Variants in LIPI observed in about 807,000 individuals in gnomAD.
LIPI encodes the protein lipase I, also known as lipase member I.
Under a neutral mutation model 50.6 loss-of-function variants are expected in LIPI, and 59 were observed. The observed-to-expected ratio is 1.16, with a 90% CI of 0.94 to 1.45. The LOEUF (loss-of-function observed/expected upper bound fraction) is 1.45. LIPI is among the 40% of genes most tolerant of loss of function. The pLI is 0.00. For synonymous variants in LIPI, 203 were observed against 178.2 expected (o/e 1.14, Z -1.11); for missense variants, 586 against 536.3 (o/e 1.09, Z -0.92).
chr21:14,178,332 T>C (rs936360182), intron 4 of LIPI, among the ~76,000 whole-genome samples: 1 of 152,164 alleles, frequency 6.6e-6, no homozygotes, highest in Non-Finnish European at 1.5e-5. Context: ...CAATGTAATT[T>C]ACCATGTCAT....
chr21:14,123,183 A>G (rs543348864), intron 9 of LIPI, among the ~76,000 whole-genome samples: 1 of 152,384 alleles, frequency 6.6e-6, no homozygotes, highest in Non-Finnish European at 1.5e-5. Context: ...AAGATACTGC[A>G]TAGCATGATA....
chr21:14,161,534 ATC>A (rs2018465344), intron 7 of LIPI, among the ~76,000 whole-genome samples: 1 of 126,590 alleles, frequency 7.9e-6, no homozygotes, highest in South Asian at 2.2e-4. Flanking sequence ...TAGATATAAT[ATC>A]CATATCTATT....
At chr21:14,168,086 G>T (rs191220711) in intron 4 of LIPI, among the ~76,000 whole-genome samples, 1 of 152,310 alleles carries the variant, frequency 6.6e-6, no homozygotes, top group Admixed American at 6.5e-5. Flanking sequence ...CTCAGGGGCC[G>T]ATGCGATCAA....
chr21:14,210,891 G>T lies in LIPI; in HGVS notation c.-46C>A. The T allele has an allele frequency of 8.4e-7, 1 of 1,187,014 alleles. No individual in the cohort carries two copies. Among genetic ancestry groups the T allele is most frequent in the Non-Finnish European group, 1.1e-6 (1 of 944,090 alleles). The allele number at this position is 1,187,014 out of a possible 1,614,324, so 73.5% of individuals were successfully genotyped here. A position where few individuals can be genotyped will look rare whatever the true frequency, so the allele number is the denominator to read the frequency against. ...AAACAGCACTCAATTCACCAAAAAG[G>T]AAATTCCGTAACTCATTGAGGTTTC... On this transcript the variant is annotated 5_prime_UTR_variant, in exon 1 of 10. Transcript: ENST00000681601.
chr21:14,151,131 A>G (rs1293343690), intron 8 of LIPI, among the ~76,000 whole-genome samples: 1 of 152,152 alleles, frequency 6.6e-6, no homozygotes, highest in African/African-American at 2.4e-5. Context: ...TATTTTCGTT[A>G]TGGTGAACTT....
chr21:14,205,089 T>A (rs1469499052), intron 1 of LIPI, among the ~76,000 whole-genome samples: 1 of 151,804 alleles, frequency 6.6e-6, no homozygotes, highest in African/African-American at 2.4e-5. Flanking sequence ...TATAAACAGA[T>A]ATTTTCTAAA....
chr21:14,171,092 T>C (rs1325685131), intron 4 of LIPI, among the ~76,000 whole-genome samples: 6 of 148,742 alleles, frequency 4.0e-5, no homozygotes, highest in Non-Finnish European at 9.0e-5. Context: ...GAGAGCCAAA[T>C]CATGAGTGAA....
In LIPI at chr21:14,209,196, CT is replaced by C. The variant is rs530396828; in HGVS notation, c.46+1603del. 3.4e-3 allele frequency among the ~76,000 whole-genome samples: 515 copies of C among 152,232 alleles called. 3 individuals are homozygous for C. Among genetic ancestry groups the C allele is most frequent in the Non-Finnish European group, 6.2e-3 (422 of 68,014 alleles). On this transcript the variant is annotated intron_variant, in intron 1 of 9. Transcript: ENST00000681601. ...TTGAATATACAGATACATAGATGTACTGTATATCTGTATAAAGTTTTTTGAT... is the reference window on the plus strand; with the variant it reads ...TTGAATATACAGATACATAGATGTACGTATATCTGTATAAAGTTTTTTGAT...
chr21:14,116,486 A>G (rs1406494587), intron 9 of LIPI, among the ~76,000 whole-genome samples: 1 of 152,194 alleles, frequency 6.6e-6, no homozygotes. Context: ...GAGAAAAAGC[A>G]TTGAAGCCGA....
Position 14,175,820 on chromosome 21 carries a change from G to A in LIPI, c.643+5938C>T, listed in dbSNP as rs527499913. Among the ~76,000 whole-genome samples, 11 of 152,076 alleles carry A rather than the reference G, an allele frequency of 7.2e-5. No homozygotes were observed. The South Asian group carries it at 2.3e-3, about 32-fold the overall frequency. On this transcript the variant is annotated intron_variant, in intron 4 of 9. Transcript: ENST00000681601. ...TTTTTGTTCTGTTTTTTCTCTCCAA[G>A]AATTTATTTTTAGAAGAGATGTATG...
chr21:14,110,851 C>CTCTA (rs75628106), intron 9 of LIPI, among the ~76,000 whole-genome samples: 5 of 150,198 alleles, frequency 3.3e-5, no homozygotes, highest in African/African-American at 1.2e-4. Context: ...ATTTATAGAT[C>CTCTA]TCTATCTATC....
chr21:14,160,610 C>T (rs1048255781), intron 7 of LIPI, among the ~76,000 whole-genome samples: 1 of 151,236 alleles, frequency 6.6e-6, no homozygotes, highest in Non-Finnish European at 1.5e-5. Flanking sequence ...GACTTGACAC[C>T]TAAAGCGTGA....
At chr21:14,194,598 A>G (rs536700106) in intron 1 of LIPI, among the ~76,000 whole-genome samples, 3 of 152,312 alleles carry the variant, frequency 2.0e-5, no homozygotes, top group Non-Finnish European at 4.4e-5. Context: ...GATCAGTCAA[A>G]TTTATAGAGA....
At chr21:14,161,303 C>A (rs2018452302) in intron 7 of LIPI, among the ~76,000 whole-genome samples, 1 of 145,800 alleles carries the variant, frequency 6.9e-6, no homozygotes, top group Non-Finnish European at 1.5e-5. Flanking sequence ...TAAATAGTAT[C>A]TATATATCCC....
chr21:14,175,102 A>G (rs934545840), intron 4 of LIPI, among the ~76,000 whole-genome samples: 2 of 152,084 alleles, frequency 1.3e-5, no homozygotes, highest in Admixed American at 1.3e-4. Context: ...GTGCATTTGT[A>G]TTGTTTCCTA....
intron 7 of LIPI, among the ~76,000 whole-genome samples, chr21:14,156,995 C>T (rs1323539580): frequency 1.3e-5 from 2 of 151,798 alleles, no homozygotes; most frequent in Admixed American, 6.6e-5. Flanking sequence ...CTCACTACAT[C>T]GTGGCAGGTA....
At chr21:14,178,498 G>A (rs894997015) in intron 4 of LIPI, among the ~76,000 whole-genome samples, 1 of 151,948 alleles carries the variant, frequency 6.6e-6, no homozygotes, top group Non-Finnish European at 1.5e-5. Flanking sequence ...CCATTCAATG[G>A]ATGTCAATTA....
At chr21:14,197,193 A>G (rs996728767) in intron 1 of LIPI, among the ~76,000 whole-genome samples, 4 of 151,708 alleles carry the variant, frequency 2.6e-5, no homozygotes, top group Non-Finnish European at 2.9e-5. Context: ...AATATAATTT[A>G]TTAAAATAAC....
intron 9 of LIPI, among the ~76,000 whole-genome samples, chr21:14,111,240 C>A (rs538509188): frequency 6.6e-6 from 1 of 152,060 alleles, no homozygotes; most frequent in South Asian, 2.1e-4. Flanking sequence ...CATGTTCTCA[C>A]CAACATTTGT....
Sources: allele counts gnomAD v4.1 joint callset (sites outside exome capture counted in the v4.1 genomes callset), GRCh38; gene constraint gnomAD v4.1.1; transcripts MANE v1.5; gene names NCBI Gene and HGNC (gene_info 2026-07-23, HGNC 2026-07-21).